Variants in ZCCHC14 observed in about 807,000 individuals in gnomAD.
ZCCHC14 encodes zinc finger CCHC domain-containing protein 14.
Under a neutral mutation model 85.0 loss-of-function variants are expected in ZCCHC14, and 16 were observed. The observed-to-expected ratio is 0.19, with a 90% CI of 0.13 to 0.29. The LOEUF (loss-of-function observed/expected upper bound fraction) is 0.29. ZCCHC14 is among the 10% of genes least tolerant of loss of function. ZCCHC14 has a pLI of 1.00. For synonymous variants in ZCCHC14, 775 were observed against 630.7 expected (o/e 1.23, Z -3.43); for missense variants, 1,303 against 1,443.5 (o/e 0.90, Z 1.58).
chr16:87,445,074 T>C (rs1299871152), intron 2 of ZCCHC14, among the ~76,000 whole-genome samples: 2 of 151,948 alleles, frequency 1.3e-5, no homozygotes, highest in Admixed American at 6.6e-5. Context: ...AATAAACTTT[T>C]TTTTTTTTTT....
intron 2 of ZCCHC14, among the ~76,000 whole-genome samples, chr16:87,459,223 C>A (rs1911131133): frequency 2.0e-5 from 3 of 152,190 alleles, no homozygotes; most frequent in Admixed American, 2.0e-4. Context: ...CTGCTGACAA[C>A]CAACTCAGTG....
rs1382696501 is a variant in ZCCHC14 at position 87,492,002 on chromosome 16, C to T, written c.237G>A (p.Thr79=). ...PADLGSLTNL[T]DEVVRSKLLV... ...GCAGCTTGCTGCGCACCACCTCGTCCGTCAGGTTGGTGAGGCTGCCCAGGT... is the reference window on the plus strand; with the variant it reads ...GCAGCTTGCTGCGCACCACCTCGTCTGTCAGGTTGGTGAGGCTGCCCAGGT... Residue 79 remains threonine, a synonymous_variant, in exon 1 of 13, where the codon ACG becomes ACA. Coordinates refer to ENST00000671377, the MANE Select transcript of ZCCHC14 (RefSeq NM_015144.3). This position sits in a 1 kb window ranked among gnomAD's most constrained non-coding sequence, Gnocchi z 6.7. 11 of 1,393,290 alleles carry T rather than the reference C, an allele frequency of 7.9e-6. No individual in the cohort carries two copies. Among genetic ancestry groups the T allele is most frequent in the Non-Finnish European group, 9.3e-6 (10 of 1,078,720 alleles). The allele number at this position is 1,393,290 out of a possible 1,614,324, so 86.3% of individuals were successfully genotyped here.
intron 4 of ZCCHC14, among the ~76,000 whole-genome samples, chr16:87,421,920 C>G (rs1361542938): frequency 1.3e-5 from 2 of 150,782 alleles, no homozygotes; most frequent in Non-Finnish European, 3.0e-5. Context: ...TCAACATTTG[C>G]AAGACATACC....
Position 87,425,677 on chromosome 16 carries a change from G to A in ZCCHC14, c.769-1796C>T, listed in dbSNP as rs1170145615. On this transcript the variant is annotated intron_variant, in intron 3 of 12. Coordinates refer to ENST00000671377, the MANE Select transcript of ZCCHC14 (RefSeq NM_015144.3). ...ATCTCTCAACACCAAAAATCTTGGG[G>A]AGAGGTTCCTAAGCTGCTCCCCACA... Among the ~76,000 whole-genome samples, 4 of 152,132 alleles carry A rather than the reference G, an allele frequency of 2.6e-5. No individual in the cohort carries two copies. The East Asian group carries it at 5.8e-4, about 22-fold the overall frequency.
chr16:87,483,766 T>TA (rs1413385378), intron 1 of ZCCHC14, among the ~76,000 whole-genome samples: 1 of 152,096 alleles, frequency 6.6e-6, no homozygotes, highest in East Asian at 1.9e-4. Context: ...CGGCAACAGG[T>TA]AAAGTAATTA....
chr16:87,492,302 CG>C lies in ZCCHC14; in HGVS notation c.-65del. 1.1e-6 allele frequency: 1 copy of C among 897,102 alleles called. No individual in the cohort carries two copies. The highest frequency in any genetic ancestry group is 1.3e-6 in the Non-Finnish European group (1 of 753,914). The allele number at this position is 897,102 out of a possible 1,614,324, so 55.6% of individuals were successfully genotyped here. ...CCGCGCGGGGGCGGCCGGGGGGCGC[CG>C]GGGGCCGCGGCCGGGGCGCGCCGGG... On this transcript the variant is annotated 5_prime_UTR_variant, in exon 1 of 13. Coordinates refer to ENST00000671377, the MANE Select transcript of ZCCHC14 (RefSeq NM_015144.3). The surrounding 1 kb of genome is among the most constrained non-coding windows in gnomAD (Gnocchi z 6.7).
chr16:87,424,312 G>A (rs1481918106), intron 3 of ZCCHC14, among the ~76,000 whole-genome samples: 1 of 152,200 alleles, frequency 6.6e-6, no homozygotes, highest in African/African-American at 2.4e-5. Flanking sequence ...CGCCCGCCCA[G>A]GTGCTGTGGG....
At position 87,420,812 on chromosome 16, in the gene ZCCHC14, G is replaced by T; in HGVS notation, c.841-96C>A. The T allele has an allele frequency of 2.1e-6, 2 of 968,848 alleles. No individual in the cohort carries two copies. The highest frequency in any genetic ancestry group is 1.5e-6 in the Non-Finnish European group (1 of 650,596). 60.0% of individuals were successfully genotyped at this position (968,848 alleles called of 1,614,324 possible). A position where few individuals can be genotyped will look rare whatever the true frequency, so the allele number is the denominator to read the frequency against. On this transcript the variant is annotated intron_variant, in intron 4 of 12. Transcript: ENST00000671377. This position sits in a 1 kb window ranked among gnomAD's most constrained non-coding sequence, Gnocchi z 5.0. ...GGAAAACCTGGGGCAGGTGCTCCAT[G>T]GTGCCGCCTGCTGGTCTGATATGAT...
chr16:87,464,405 C>A (rs1216519429), intron 1 of ZCCHC14, among the ~76,000 whole-genome samples: 1 of 152,194 alleles, frequency 6.6e-6, no homozygotes, highest in East Asian at 1.9e-4. Flanking sequence ...CCAACCACGA[C>A]CCCAAGTCCA....
In ZCCHC14 at chr16:87,477,130, AAAAAAAAAAAACAAAAC is replaced by A. The variant is rs1169376222; in HGVS notation, c.570+14522_570+14538del. ...AGAGAGACTCAGTCTCAAAAAAAAA[AAAAAAAAAAAACAAAAC>A]AAAACCAAAAAAAAATTGAAGTGGT... On this transcript the variant is annotated intron_variant, in intron 1 of 12. Coordinates refer to ENST00000671377, the MANE Select transcript of ZCCHC14 (RefSeq NM_015144.3). Among the ~76,000 whole-genome samples the A allele has an allele frequency of 1.7e-3, 249 of 144,002 alleles. 19 individuals carry two copies. The highest frequency in any genetic ancestry group is 6.4e-3 in the African/African-American group (233 of 36,678). The allele number at this position is 144,002 out of a possible 152,430, so 94.5% of individuals were successfully genotyped here.
rs1190418687 is a variant in ZCCHC14, at chr16:87,492,935, A to G, written c.-697T>C. 2.9e-4 allele frequency among the ~76,000 whole-genome samples: 43 copies of G among 148,562 alleles called. 1 individual carries two copies. The highest frequency in any genetic ancestry group is 8.4e-4 in the South Asian group (4 of 4,764). ...GGCGGCGGCGGCGACGGCGACGGCGACGGCGACGGCGACGGCGGAGGAGGC... is the reference window on the plus strand; with the variant it reads ...GGCGGCGGCGGCGACGGCGACGGCGGCGGCGACGGCGACGGCGGAGGAGGC... On this transcript the variant is annotated 5_prime_UTR_variant, in exon 1 of 13. Coordinates refer to ENST00000671377, the MANE Select transcript of ZCCHC14 (RefSeq NM_015144.3). The surrounding 1 kb of genome is among the most constrained non-coding windows in gnomAD (Gnocchi z 6.7).
At chr16:87,485,669 A>C (rs951721099) in intron 1 of ZCCHC14, among the ~76,000 whole-genome samples, 1 of 152,132 alleles carries the variant, frequency 6.6e-6, no homozygotes, top group Non-Finnish European at 1.5e-5. Context: ...AGAATACTAA[A>C]GCAGAAATTT....
chr16:87,452,067 G>A lies in ZCCHC14; in HGVS notation c.694+7941C>T, dbSNP rs142529120. ...GCCGTAAGCAGGGGCGTGCAGTGACGCAGTGTGTACTGGACTGGTCCCTGC... is the reference window on the plus strand; with the variant it reads ...GCCGTAAGCAGGGGCGTGCAGTGACACAGTGTGTACTGGACTGGTCCCTGC... On this transcript the variant is annotated intron_variant, in intron 2 of 12. Coordinates refer to ENST00000671377, the MANE Select transcript of ZCCHC14 (RefSeq NM_015144.3). 2.4e-3 allele frequency among the ~76,000 whole-genome samples: 363 copies of A among 152,376 alleles called. 2 individuals carry two copies. Among genetic ancestry groups the A allele is most frequent in the Admixed American group, 5.7e-3 (87 of 15,312 alleles).
rs1567542358 is a variant in ZCCHC14, at chr16:87,477,143, AAAAC to A, written c.570+14522_570+14525del. Among the ~76,000 whole-genome samples the A allele has an allele frequency of 4.1e-3, 263 of 64,070 alleles. 3 individuals carry two copies. Among genetic ancestry groups the A allele is most frequent in the South Asian group, 0.012 (12 of 1,022 alleles). 42.0% of individuals were successfully genotyped at this position (64,070 alleles called of 152,430 possible). A position where few individuals can be genotyped will look rare whatever the true frequency, so the allele number is the denominator to read the frequency against. On this transcript the variant is annotated intron_variant, in intron 1 of 12. Coordinates refer to ENST00000671377, the MANE Select transcript of ZCCHC14 (RefSeq NM_015144.3). ...CTCAAAAAAAAAAAAAAAAAAAAAC[AAAAC>A]AAAACCAAAAAAAAATTGAAGTGGT...
chr16:87,423,634 G>C (rs1254211731), intron 4 of ZCCHC14, among the ~76,000 whole-genome samples, 176 bp downstream of exon 4: 1 of 152,244 alleles, frequency 6.6e-6, no homozygotes, highest in Non-Finnish European at 1.5e-5. Context: ...TGTGCTCGCA[G>C]CAACGCTCAT....
chr16:87,423,780 A>G (rs2089305557), intron 4 of ZCCHC14, 30 bp downstream of exon 4: 1 of 1,609,810 alleles, frequency 6.2e-7, no homozygotes, highest in African/African-American at 1.3e-5. Flanking sequence ...TGATTCTTTT[A>G]ATTTTTATAA....
In ZCCHC14 at chr16:87,414,409, T is replaced by C. The variant is rs1258946162; in HGVS notation, c.1603+5A>G. Reference sequence around the variant, plus strand: ...AACCCATCTGCCCGACACACCCTTGTTCACCTGCTGCATGGCTGCCCCGCC... The same window carrying C: ...AACCCATCTGCCCGACACACCCTTGCTCACCTGCTGCATGGCTGCCCCGCC... On this transcript the variant is annotated splice_donor_5th_base_variant and intron_variant, in intron 10 of 12. Coordinates refer to ENST00000671377, the MANE Select transcript of ZCCHC14 (RefSeq NM_015144.3). 1 of 1,582,124 alleles carries C rather than the reference T, an allele frequency of 6.3e-7. No homozygotes were observed. Among genetic ancestry groups the C allele is most frequent in the Non-Finnish European group, 8.6e-7 (1 of 1,164,184 alleles).
intron 1 of ZCCHC14, among the ~76,000 whole-genome samples, chr16:87,490,092 G>A (rs1912683999): frequency 6.6e-6 from 1 of 152,134 alleles, no homozygotes; most frequent in Admixed American, 6.5e-5. Flanking sequence ...CAGGGTGGGA[G>A]CCGAACTTAA....
Position 87,409,039 on chromosome 16 carries a change from C to T in ZCCHC14, c.*1241G>A, listed in dbSNP as rs985323706. On this transcript the variant is annotated 3_prime_UTR_variant, in exon 13 of 13. Transcript: ENST00000671377. Reference sequence around the variant, plus strand: ...CCGTGGGTTGAAATTTAGAGATCTACAGTGAGGACTTTTATTACTACCTAA... The same window carrying T: ...CCGTGGGTTGAAATTTAGAGATCTATAGTGAGGACTTTTATTACTACCTAA... 2.0e-5 allele frequency: 3 copies of T among 152,686 alleles called. No homozygotes were observed. The East Asian group carries it at 5.8e-4, about 29-fold the overall frequency. 9.5% of individuals were successfully genotyped at this position (152,686 alleles called of 1,614,324 possible).
Sources: gnomAD v4.1 joint callset for allele counts (sites outside exome capture counted in the v4.1 genomes callset) on GRCh38, gnomAD v4.1.1 for gene constraint, Gnocchi (gnomAD v3.1) non-coding constraint, MANE v1.5 for transcripts, NCBI Gene and HGNC (gene_info 2026-07-23, HGNC 2026-07-21) for gene names.